Variants in FNBP4 observed in about 807,000 individuals in gnomAD.
FNBP4 encodes the protein formin-binding protein 4.
Under a neutral mutation model 119.3 loss-of-function variants are expected in FNBP4, and 34 were observed. That is an observed-to-expected ratio of 0.28 (90% CI 0.22 to 0.38). The LOEUF (loss-of-function observed/expected upper bound fraction) is 0.38, where lower values mean the gene tolerates loss of function less well. Ranked by LOEUF, FNBP4 falls within the 10% of genes least tolerant of loss-of-function variation. FNBP4 has a pLI of 1.00. For synonymous variants in FNBP4, 462 were observed against 430.6 expected (o/e 1.07, Z -0.90); for missense variants, 1,112 against 1,228.9 (o/e 0.90, Z 1.42).
chr11:47,765,414 G>GAA (rs773225084), intron 1 of FNBP4, 52 bp from the exon 2 acceptor site: 7 of 1,276,610 alleles, frequency 5.5e-6, no homozygotes, highest in African/African-American at 3.1e-5. Context: ...GAAAAGAAAA[G>GAA]AAAACTGCAG....
At chr11:47,758,729 C>T (rs1007998916) in intron 2 of FNBP4, among the ~76,000 whole-genome samples, 1 of 151,404 alleles carries the variant, frequency 6.6e-6, no homozygotes, top group East Asian at 2.0e-4. Flanking sequence ...TGTGGTGGTG[C>T]GCGCCTGTAA....
intron 2 of FNBP4, among the ~76,000 whole-genome samples, chr11:47,755,782 C>A (rs1052980700): frequency 7.9e-5 from 12 of 151,602 alleles, no homozygotes; most frequent in African/African-American, 2.9e-4. Flanking sequence ...CAAAGTGAGA[C>A]TGACCATGTC....
intron 8 of FNBP4, among the ~76,000 whole-genome samples, chr11:47,741,158 C>T (rs1160664407): frequency 2.6e-5 from 4 of 151,388 alleles, no homozygotes; most frequent in Admixed American, 2.0e-4. Context: ...CGTGAGCCAC[C>T]GTGCGCCAGT....
At chr11:47,763,854 C>T (rs2097641277) in intron 2 of FNBP4, among the ~76,000 whole-genome samples, 1 of 152,040 alleles carries the variant, frequency 6.6e-6, no homozygotes, top group Non-Finnish European at 1.5e-5. Flanking sequence ...CCCCTCAAAC[C>T]TCAACATTCT....
intron 2 of FNBP4, among the ~76,000 whole-genome samples, chr11:47,756,078 A>G (rs900442669): frequency 2.0e-5 from 3 of 152,214 alleles, no homozygotes; most frequent in Non-Finnish European, 4.4e-5. Flanking sequence ...AATTAAAAAC[A>G]TGAAGTGACA....
rs139956397 is a variant in FNBP4 at position 47,748,836 on chromosome 11, G to A, written c.906+2080C>T. The stretch of plus-strand genomic sequence containing the variant: ...AGTTATTTTAGTATTTTTAATAGAC[G>A]GGGTTTTACCATGTTGGCCAGGCTG... On this transcript the variant is annotated intron_variant, in intron 6 of 16. Transcript: ENST00000263773. Among the ~76,000 whole-genome samples the A allele has an allele frequency of 8.2e-3, 1,238 of 151,874 alleles. 20 individuals carry two copies. Among genetic ancestry groups the A allele is most frequent in the African/African-American group, 0.028 (1,162 of 41,424 alleles).
rs2097573586 is a variant in FNBP4 at position 47,736,077 on chromosome 11, CACA to C, written c.1581+536_1581+538del. ...TGGGAAACAGAGCGAGACTCCGACT[CACA>C]AAAAAAAAACACTTGCCAGGCGTAG... On this transcript the variant is annotated intron_variant, in intron 9 of 16. Transcript: ENST00000263773. Among the ~76,000 whole-genome samples, 5 of 21,086 alleles carry C rather than the reference CACA, an allele frequency of 2.4e-4. No homozygotes were observed. In the South Asian group the frequency reaches 0.054, roughly 228 times the overall value. The allele number at this position is 21,086 out of a possible 152,430, so 13.8% of individuals were successfully genotyped here. A position where few individuals can be genotyped will look rare whatever the true frequency, so the allele number is the denominator to read the frequency against.
intron 2 of FNBP4, among the ~76,000 whole-genome samples, chr11:47,762,386 C>T (rs571809289): frequency 1.3e-5 from 2 of 152,252 alleles, no homozygotes; most frequent in African/African-American, 4.8e-5. Flanking sequence ...CTTGGCCTCC[C>T]AAAGTGCTGG....
intron 9 of FNBP4, among the ~76,000 whole-genome samples, chr11:47,735,487 G>A (rs560785402): frequency 5.3e-5 from 8 of 152,304 alleles, no homozygotes; most frequent in Non-Finnish European, 8.8e-5. Context: ...GGTTAGAAAT[G>A]CAATTCAAAC....
rs2097553309 is a variant in FNBP4, at chr11:47,719,586, GT to G, written c.2963+342del. 3.9e-5 allele frequency among the ~76,000 whole-genome samples: 4 copies of G among 103,758 alleles called. No homozygotes were observed. In the South Asian group the frequency reaches 9.8e-4, roughly 25 times the overall value. 68.1% of individuals were successfully genotyped at this position (103,758 alleles called of 152,430 possible). A position where few individuals can be genotyped will look rare whatever the true frequency, so the allele number is the denominator to read the frequency against. On this transcript the variant is annotated intron_variant, in intron 16 of 16. Transcript: ENST00000263773. ...ATATGTTATGTGTGTATGTGTGTGT[GT>G]GTGTGTGTGTGTGTGTGTGTGTGTG...
At chr11:47,722,144 G>GTT (rs57726690) in intron 15 of FNBP4, among the ~76,000 whole-genome samples, 3,947 of 133,540 alleles carry the variant, frequency 0.03, 238 homozygotes, top group African/African-American at 0.1. Flanking sequence ...AAAGCAGAGG[G>GTT]TTTTTTTTTT....
At chr11:47,728,869 T>TTA (rs2097564197) in intron 12 of FNBP4, among the ~76,000 whole-genome samples, 3 of 148,954 alleles carry the variant, frequency 2.0e-5, no homozygotes, top group Non-Finnish European at 3.0e-5. Context: ...TTTTTTTTTT[T>TTA]AGATAAAGAG....
chr11:47,738,434 G>A (rs920276345), intron 8 of FNBP4, among the ~76,000 whole-genome samples: 3 of 151,838 alleles, frequency 2.0e-5, no homozygotes, highest in Non-Finnish European at 4.4e-5. Flanking sequence ...GTGTGGTGCT[G>A]GGCGCCTGTA....
intron 2 of FNBP4, among the ~76,000 whole-genome samples, 169 bp from the exon 3 acceptor site, chr11:47,754,833 G>T (rs2097613105): frequency 6.6e-6 from 1 of 151,978 alleles, no homozygotes. Context: ...ACATCGTATG[G>T]TTAAAGCTAA....
At chr11:47,719,606 G>A (rs1468508114) in intron 16 of FNBP4, among the ~76,000 whole-genome samples, 5 of 143,340 alleles carry the variant, frequency 3.5e-5, no homozygotes, top group Non-Finnish European at 7.8e-5. Flanking sequence ...GTGTGTGTGT[G>A]TGTGTGTGTA....
chr11:47,729,267 T>C (rs1422277325), intron 12 of FNBP4: 24 of 985,252 alleles, frequency 2.4e-5, no homozygotes, highest in African/African-American at 5.2e-5. Context: ...CAAGAAATTA[T>C]ACAAATTGTT....
intron 4 of FNBP4, among the ~76,000 whole-genome samples, chr11:47,752,425 CAAA>C (rs71045514): frequency 1.5e-4 from 19 of 127,952 alleles, no homozygotes; most frequent in South Asian, 2.4e-4. Context: ...AACTCAGTCT[CAAA>C]AAAAAAAAAA....
intron 1 of FNBP4, 101 bp from the exon 2 acceptor site, chr11:47,765,463 C>A: frequency 2.5e-6 from 2 of 816,074 alleles, no homozygotes; most frequent in Non-Finnish European, 3.9e-6. Context: ...AGGTGACAAA[C>A]CAACCTTTGA....
chr11:47,746,922 C>T (rs1307184500), intron 6 of FNBP4, among the ~76,000 whole-genome samples: 1 of 152,170 alleles, frequency 6.6e-6, no homozygotes, highest in Non-Finnish European at 1.5e-5. Context: ...AATATATCCT[C>T]CCTGCTATTC....
Sources: gnomAD v4.1 joint callset for allele counts (sites outside exome capture counted in the v4.1 genomes callset) on GRCh38, gnomAD v4.1.1 for gene constraint, MANE v1.5 for transcripts, NCBI Gene and HGNC (gene_info 2026-07-23, HGNC 2026-07-21) for gene names.